SMYD3: variants seen among roughly 807,000 people sequenced by gnomAD.
SMYD3 encodes histone-lysine N-methyltransferase SMYD3.
Under a neutral mutation model 57.7 loss-of-function variants are expected in SMYD3, and 36 were observed. The observed-to-expected ratio is 0.62, with a 90% CI of 0.48 to 0.82. The LOEUF is 0.82. Among genes scored for constraint, SMYD3 ranks in the 40% least tolerant of loss-of-function variants. The pLI, the probability that SMYD3 is intolerant of heterozygous loss-of-function variation, is 0.00. For missense variants in SMYD3, 515 were observed against 538.8 expected, an observed-to-expected ratio of 0.96 and a Z score of 0.44; for synonymous variants, 211 against 195.0, an observed-to-expected ratio of 1.08 and a Z score of -0.68.
intron 5 of SMYD3, among the ~76,000 whole-genome samples, chr1:245,952,488 T>C (rs531076639): frequency 1.3e-5 from 2 of 152,278 alleles, no homozygotes; most frequent in African/African-American, 2.4e-5. Flanking sequence ...GTTCAGTCCA[T>C]TGTCAACCTA....
At chr1:246,109,144 C>T (rs756330914) in intron 5 of SMYD3, among the ~76,000 whole-genome samples, 6 of 151,904 alleles carry the variant, frequency 3.9e-5, no homozygotes, top group Non-Finnish European at 5.9e-5. Context: ...ATGAATGACA[C>T]GAAGAATATA....
chr1:245,753,062 C>T (rs772160638), intron 11 of SMYD3, among the ~76,000 whole-genome samples: 1 of 152,140 alleles, frequency 6.6e-6, no homozygotes, highest in Non-Finnish European at 1.5e-5. Flanking sequence ...CAAGATGCTG[C>T]TGGTCATGTT....
chr1:246,450,893 C>G (rs1407534856), intron 1 of SMYD3, among the ~76,000 whole-genome samples: 5 of 151,736 alleles, frequency 3.3e-5, no homozygotes, highest in Admixed American at 3.3e-4. Context: ...TATTTATAAG[C>G]AAACAATTAG....
At chr1:246,234,587 G>C (rs1467824918) in intron 5 of SMYD3, among the ~76,000 whole-genome samples, 1 of 151,988 alleles carries the variant, frequency 6.6e-6, no homozygotes, top group Non-Finnish European at 1.5e-5. Flanking sequence ...ATACCGTATA[G>C]GGGAGAAGCA....
intron 5 of SMYD3, among the ~76,000 whole-genome samples, chr1:246,012,049 G>A (rs1490231913): frequency 3.3e-5 from 5 of 152,100 alleles, no homozygotes; most frequent in African/African-American, 4.8e-5. Context: ...ATTATCCACT[G>A]ATACTGGCTA....
intron 5 of SMYD3, among the ~76,000 whole-genome samples, chr1:246,273,135 CT>C (rs71299006): frequency 0.021 from 2,284 of 107,564 alleles, 27 homozygotes; most frequent in African/African-American, 0.061. Flanking sequence ...TCCCTGTTTT[CT>C]TTTTTTTTTT....
chr1:246,090,452 G>T, intron 5 of SMYD3, among the ~76,000 whole-genome samples: 1 of 151,340 alleles, frequency 6.6e-6, no homozygotes, highest in Admixed American at 6.6e-5. Flanking sequence ...AACTGAAATT[G>T]GGTCTTCTCC....
intron 5 of SMYD3, among the ~76,000 whole-genome samples, chr1:246,087,410 A>C (rs565895321): frequency 6.6e-6 from 1 of 152,296 alleles, no homozygotes; most frequent in Non-Finnish European, 1.5e-5. Context: ...TCAGTTAGTC[A>C]ATATCTGCTG....
At chr1:246,387,041 T>C (rs999890603) in intron 1 of SMYD3, among the ~76,000 whole-genome samples, 4 of 152,052 alleles carry the variant, frequency 2.6e-5, no homozygotes, top group African/African-American at 4.8e-5. Context: ...GAAAAGCAGA[T>C]AGAGAATACA....
chr1:245,793,836 C>A (rs2047407469), intron 10 of SMYD3, among the ~76,000 whole-genome samples: 1 of 152,198 alleles, frequency 6.6e-6, no homozygotes, highest in Non-Finnish European at 1.5e-5. Flanking sequence ...GTTTTATCTC[C>A]ACAAATGCTT....
At chr1:246,320,655 A>C (rs1449240811) in intron 5 of SMYD3, among the ~76,000 whole-genome samples, 1 of 152,214 alleles carries the variant, frequency 6.6e-6, no homozygotes, top group East Asian at 1.9e-4. Flanking sequence ...CAGGCTGCCA[A>C]ATAAATTTTT....
chr1:245,769,597 A>G (rs1230024919), intron 10 of SMYD3, among the ~76,000 whole-genome samples: 3 of 152,210 alleles, frequency 2.0e-5, no homozygotes, highest in Admixed American at 1.3e-4. Context: ...CGAGGTGCAG[A>G]CCTTGTGTAT....
chr1:245,878,569 A>C (rs756904321), intron 8 of SMYD3, among the ~76,000 whole-genome samples: 4 of 152,220 alleles, frequency 2.6e-5, no homozygotes, highest in African/African-American at 4.8e-5. Flanking sequence ...CTTTTTCCCT[A>C]TCTACTGAAA....
intron 5 of SMYD3, among the ~76,000 whole-genome samples, chr1:246,190,339 C>T (rs1488001566): frequency 1.3e-5 from 2 of 152,166 alleles, no homozygotes; most frequent in Non-Finnish European, 2.9e-5. Flanking sequence ...GTAATCCCAA[C>T]ACTCTGGGAG....
intron 5 of SMYD3, among the ~76,000 whole-genome samples, chr1:246,021,288 C>G (rs2148227293): frequency 6.6e-6 from 1 of 152,294 alleles, no homozygotes; most frequent in East Asian, 1.9e-4. Flanking sequence ...GACATGGGTA[C>G]AGAATTCTAC....
intron 10 of SMYD3, among the ~76,000 whole-genome samples, chr1:245,828,991 C>A (rs2049672996): frequency 6.6e-6 from 1 of 152,086 alleles, no homozygotes; most frequent in South Asian, 2.1e-4. Flanking sequence ...GCATGAGCCA[C>A]CACGCCCGGC....
At chr1:246,045,069 T>C (rs555031556) in intron 5 of SMYD3, among the ~76,000 whole-genome samples, 39 of 152,272 alleles carry the variant, frequency 2.6e-4, no homozygotes, top group African/African-American at 6.5e-4. Context: ...AGGTAATTTA[T>C]ACATTCAATG....
At chr1:246,053,334 A>C (rs12022431) in intron 5 of SMYD3, among the ~76,000 whole-genome samples, 1 of 151,966 alleles carries the variant, frequency 6.6e-6, no homozygotes, top group African/African-American at 2.4e-5. Flanking sequence ...AAGCTGATTA[A>C]AAAATGTTTA....
intron 5 of SMYD3, among the ~76,000 whole-genome samples, chr1:246,060,000 T>C (rs147496275): frequency 0.012 from 1,877 of 151,918 alleles, 18 homozygotes; most frequent in Middle Eastern, 0.041. Context: ...AAAAAAAAGT[T>C]GGCGGGGCAT....
Sources: gnomAD v4.1 joint callset for allele counts (sites outside exome capture counted in the v4.1 genomes callset) on GRCh38, gnomAD v4.1.1 for gene constraint, MANE v1.5 for transcripts, NCBI Gene and HGNC (gene_info 2026-07-23, HGNC 2026-07-21) for gene names.